PTPRB: variants seen among roughly 807,000 people sequenced by gnomAD.
PTPRB encodes the protein receptor-type tyrosine-protein phosphatase beta.
A neutral mutation model predicts 238.1 loss-of-function variants in PTPRB; 97 were observed. That is an observed-to-expected ratio of 0.41 (90% confidence interval 0.35 to 0.48). PTPRB has a LOEUF of 0.48. Ranked by LOEUF, PTPRB falls within the 20% of genes least tolerant of loss-of-function variation. The probability of loss-of-function intolerance (pLI) is 0.30; values close to 1 mark genes in which losing one functional copy is unlikely to be tolerated. For missense variants in PTPRB, 2,292 were observed against 2,681.9 expected (o/e 0.85, Z 3.21); for synonymous variants, 970 against 995.4 (o/e 0.97, Z 0.48).
intron 3 of PTPRB, among the ~76,000 whole-genome samples, chr12:70,616,242 C>T (rs1884675272): frequency 6.6e-6 from 1 of 152,134 alleles, no homozygotes; most frequent in Non-Finnish European, 1.5e-5. Context: ...CTGCACCCAG[C>T]CTCTTAATAT....
chr12:70,605,602 T>C (rs981107684), intron 4 of PTPRB, among the ~76,000 whole-genome samples: 2 of 152,232 alleles, frequency 1.3e-5, no homozygotes, highest in African/African-American at 4.8e-5. Flanking sequence ...AGGAAATGAA[T>C]GAAGTGGTAT....
intron 7 of PTPRB, 38 bp downstream of exon 7, chr12:70,592,244 T>G (rs565652269): frequency 1.9e-6 from 3 of 1,613,558 alleles, no homozygotes; most frequent in Admixed American, 3.3e-5. Context: ...AGAGAGTGAT[T>G]TGAGCAACCA....
rs769366985 is a variant in PTPRB at position 70,540,035 on chromosome 12, G to A, written c.5595-13C>T. On this transcript the variant is annotated splice_polypyrimidine_tract_variant and intron_variant, in intron 23 of 33. Coordinates refer to ENST00000334414, the MANE Select transcript of PTPRB (RefSeq NM_001109754.4). Reference sequence around the variant, plus strand: ...TTCTCGACCATGGCTGAAACATAAGGGAGATAACTTTTATTCTGATTATGA... The same window carrying A: ...TTCTCGACCATGGCTGAAACATAAGAGAGATAACTTTTATTCTGATTATGA... 1 of 1,586,534 alleles carries A rather than the reference G, an allele frequency of 6.3e-7. No individual in the cohort carries two copies. The highest frequency in any genetic ancestry group is 1.7e-4 in the Middle Eastern group (1 of 6,020).
Position 70,517,207 on chromosome 12 carries a change from T to A in PTPRB, c.*4282A>T, listed in dbSNP as rs772210726. The A allele has an allele frequency of 3.9e-5, 6 of 152,220 alleles. No individual in the cohort carries two copies. Among genetic ancestry groups the A allele is most frequent in the Non-Finnish European group, 5.9e-5 (4 of 68,046 alleles). The allele number at this position is 152,220 out of a possible 1,614,324, so 9.4% of individuals were successfully genotyped here. A position where few individuals can be genotyped will look rare whatever the true frequency, so the allele number is the denominator to read the frequency against. ...AATTCAAAAAGCAAAATAAATTGAT[T>A]CAATTGTTTAATCAGTTAAACCATC... On this transcript the variant is annotated 3_prime_UTR_variant, in exon 34 of 34. Transcript: ENST00000334414.
At chr12:70,589,063 A>G (rs1415712698) in intron 8 of PTPRB, among the ~76,000 whole-genome samples, 1 of 152,228 alleles carries the variant, frequency 6.6e-6, no homozygotes, top group African/African-American at 2.4e-5. Context: ...AAGTTATTTG[A>G]GGTGAGTGAT....
chr12:70,633,945 G>A (rs926624182), intron 2 of PTPRB, among the ~76,000 whole-genome samples: 1 of 151,998 alleles, frequency 6.6e-6, no homozygotes, highest in African/African-American at 2.4e-5. Flanking sequence ...CAGTTATAAT[G>A]TTTCTATATT....
intron 3 of PTPRB, among the ~76,000 whole-genome samples, chr12:70,615,259 A>T (rs560099893): frequency 2.6e-5 from 4 of 152,332 alleles, no homozygotes; most frequent in African/African-American, 9.6e-5. Flanking sequence ...CATTGCTTCC[A>T]ATCTCGTACC....
chr12:70,537,084 A>C (rs1874242509), intron 28 of PTPRB, among the ~76,000 whole-genome samples: 1 of 152,016 alleles, frequency 6.6e-6, no homozygotes, highest in South Asian at 2.1e-4. Flanking sequence ...GGAGATGGAG[A>C]TCTTCCTGGC....
chr12:70,629,091 G>T (rs766867149), intron 2 of PTPRB, among the ~76,000 whole-genome samples: 3 of 152,248 alleles, frequency 2.0e-5, no homozygotes, highest in Non-Finnish European at 2.9e-5. Context: ...TAGTAATAAT[G>T]GTGCTAGCTA....
chr12:70,522,019 A>AATT (rs1871712397), intron 33 of PTPRB, among the ~76,000 whole-genome samples: 1 of 152,172 alleles, frequency 6.6e-6, no homozygotes. Context: ...TATACAGATC[A>AATT]ATTAGGGTGT....
chr12:70,571,757 G>C, intron 12 of PTPRB, 67 bp downstream of exon 12: 1 of 1,528,620 alleles, frequency 6.5e-7, no homozygotes, highest in Non-Finnish European at 8.8e-7. Context: ...AAAATTCAAG[G>C]TTCAGATAAA....
intron 21 of PTPRB, among the ~76,000 whole-genome samples, chr12:70,550,539 A>G (rs953660002): frequency 1.3e-5 from 2 of 152,200 alleles, no homozygotes; most frequent in African/African-American, 4.8e-5. Context: ...ACTTAGGACA[A>G]CCTTATGGAG....
In PTPRB at chr12:70,540,832, A is replaced by G. The variant is rs189113843; in HGVS notation, c.5594+26T>C. 4,839 of 1,545,144 alleles carry G rather than the reference A, an allele frequency of 3.1e-3. 33 individuals are homozygous for G. The highest frequency in any genetic ancestry group is 0.012 in the Middle Eastern group (73 of 5,948). On this transcript the variant is annotated intron_variant, in intron 23 of 33. Transcript: ENST00000334414. ...TTGCATTTTTAAAGTTGTGGGTCCA[A>G]TCACCAAAAGGATCTTTGTACTTAC...
At position 70,534,969 on chromosome 12, in the gene PTPRB, G is replaced by C; in HGVS notation, c.6082-14C>G. On this transcript the variant is annotated splice_polypyrimidine_tract_variant and intron_variant, in intron 29 of 33. Coordinates refer to ENST00000334414, the MANE Select transcript of PTPRB (RefSeq NM_001109754.4). Reference sequence around the variant, plus strand: ...ATCACACTTTACCTAGAACAGGACAGACAGAAAAAACATGAGTCCGGAAAA... The same window carrying C: ...ATCACACTTTACCTAGAACAGGACACACAGAAAAAACATGAGTCCGGAAAA... 6.2e-7 allele frequency: 1 copy of C among 1,601,536 alleles called. No individual in the cohort carries two copies. The highest frequency in any genetic ancestry group is 1.1e-5 in the South Asian group (1 of 89,910).
chr12:70,546,110 C>G (rs1188991801), intron 21 of PTPRB, among the ~76,000 whole-genome samples: 3 of 145,474 alleles, frequency 2.1e-5, no homozygotes, highest in African/African-American at 7.5e-5. Flanking sequence ...GCACTCCAGC[C>G]TGGGTGACAA....
Position 70,538,936 on chromosome 12 carries a change from T to C in PTPRB, c.5857A>G (p.Asn1953Asp). 1.2e-6 allele frequency: 2 copies of C among 1,612,664 alleles called. No homozygotes were observed. Among genetic ancestry groups the C allele is most frequent in the Non-Finnish European group, 1.7e-6 (2 of 1,179,100 alleles). ...ACACAAAACTTACAGGGCAATATATTGTTGTATCGATTTTTCCCTCTATTC... is the reference window on the plus strand; with the variant it reads ...ACACAAAACTTACAGGGCAATATATCGTTGTATCGATTTTTCCCTCTATTC... ...PENRGKNRYN[N>D]ILPYDATRVK... Residue 1953 changes from asparagine to aspartate, a missense_variant, in exon 27 of 34, where the codon AAT (asparagine) becomes GAT (aspartate). Around this residue, in one of 4 missense-constraint regions of PTPRB, gnomAD observed 397 missense variants for 502.0 expected, o/e 0.79. Coordinates refer to ENST00000334414, the MANE Select transcript of PTPRB (RefSeq NM_001109754.4).
chr12:70,534,627 G>A lies in PTPRB; in HGVS notation c.6229C>T (p.Leu2077Phe). The A allele has an allele frequency of 6.2e-7, 1 of 1,612,710 alleles. No homozygotes were observed. Among genetic ancestry groups the A allele is most frequent in the Non-Finnish European group, 8.5e-7 (1 of 1,179,404 alleles). Residue 2077 changes from leucine to phenylalanine, a missense_variant, in exon 31 of 34, where the codon CTC becomes TTC. Coordinates refer to ENST00000334414, the MANE Select transcript of PTPRB (RefSeq NM_001109754.4). ...ACCGTATAGTGAAAGTGGCGGATGAGTCTGTGTGCATCAAGCTGTTCCTCC... is the reference window on the plus strand; with the variant it reads ...ACCGTATAGTGAAAGTGGCGGATGAATCTGTGTGCATCAAGCTGTTCCTCC... ...CGEEQLDAHR[L>F]IRHFHYTVWP...
chr12:70,559,740 TATG>T, intron 17 of PTPRB, 116 bp from the exon 18 acceptor site: 1 of 1,008,658 alleles, frequency 9.9e-7, no homozygotes, highest in Non-Finnish European at 1.4e-6. Context: ...GAAGAGATAA[TATG>T]ATAATAATAT....
At chr12:70,620,289 G>A (rs567410044) in intron 3 of PTPRB, among the ~76,000 whole-genome samples, 1 of 152,278 alleles carries the variant, frequency 6.6e-6, no homozygotes, top group African/African-American at 2.4e-5. Context: ...GTGCTGGGTT[G>A]GCCCACTGGG....
Sources: allele counts gnomAD v4.1 joint callset (sites outside exome capture counted in the v4.1 genomes callset), GRCh38; gene constraint gnomAD v4.1.1; regional missense constraint gnomAD v4.1.1; transcripts MANE v1.5; gene names NCBI Gene and HGNC (gene_info 2026-07-23, HGNC 2026-07-21).